The following CCDC138 variants were observed in gnomAD, a reference collection of about 807,000 sequenced individuals.
CCDC138 encodes coiled-coil domain containing 138.
CCDC138 carries 66 observed loss-of-function variants against 82.3 expected under a neutral mutation model. The observed-to-expected ratio is 0.80, with a 90% CI of 0.66 to 0.98. CCDC138 has a LOEUF of 0.98. Among genes scored for constraint, CCDC138 ranks in the 50% least tolerant of loss-of-function variants. The probability of loss-of-function intolerance (pLI) is 0.00; values close to 1 mark genes in which losing one functional copy is unlikely to be tolerated. For missense variants in CCDC138, 816 were observed against 758.9 expected (o/e 1.08, Z -0.88); for synonymous variants, 297 against 265.4 (o/e 1.12, Z -1.16).
At chr2:108,787,019 C>A (rs1028592088) in intron 1 of CCDC138, 104 bp downstream of exon 1, 1 of 666,352 alleles carries the variant, frequency 1.5e-6, no homozygotes, top group East Asian at 3.8e-5. Flanking sequence ...GCTCTGGTCC[C>A]GGCCCCGGCA....
rs1558723837 is a variant in CCDC138 at position 108,846,829 on chromosome 2, A to G, written c.1415A>G (p.His472Arg). 6.2e-7 allele frequency: 1 copy of G among 1,613,214 alleles called. No homozygotes were observed. Among genetic ancestry groups the G allele is most frequent in the South Asian group, 1.1e-5 (1 of 91,004 alleles). ...GGAATTCAGGATAATTCTCCACAGC[A>G]TTCTGTGGAGAATAAACCAAAGACA... is the stretch of plus-strand genomic sequence containing the variant. ...TKGIQDNSPQHSVENKPKTAA... is the reference protein window; with the variant it reads ...TKGIQDNSPQRSVENKPKTAA... Residue 472 changes from histidine to arginine, a missense_variant, in exon 12 of 15, where the codon CAT (histidine) becomes CGT (arginine). Transcript: ENST00000295124.
chr2:108,867,087 G>C (rs1346557915), intron 13 of CCDC138, among the ~76,000 whole-genome samples: 1 of 152,066 alleles, frequency 6.6e-6, no homozygotes, highest in African/African-American at 2.4e-5. Context: ...TCACTGGGTT[G>C]AGAACTGTTC....
At chr2:108,822,798 T>A (rs979229916) in intron 10 of CCDC138, among the ~76,000 whole-genome samples, 4 of 152,262 alleles carry the variant, frequency 2.6e-5, no homozygotes, top group Admixed American at 1.3e-4. Context: ...AAGAGGGAAG[T>A]TTGTAGCTGT....
In CCDC138 at chr2:108,856,874, C is replaced by G. The variant is rs1490342462; in HGVS notation, c.1597C>G (p.Gln533Glu). 1 of 1,612,950 alleles carries G rather than the reference C, an allele frequency of 6.2e-7. No homozygotes were observed. Among genetic ancestry groups the G allele is most frequent in the East Asian group, 2.2e-5 (1 of 44,788 alleles). ...EEGKTLFLEY[Q>E]AVPVILSHLR... ...AGGAAAAACCTTGTTTTTGGAGTAT[C>G]AGGCTGTTCCAGTAATATTAAGTCA... Residue 533 changes from glutamine to glutamate, a missense_variant, in exon 13 of 15, where the codon CAG becomes GAG. Coordinates refer to ENST00000295124, the MANE Select transcript of CCDC138 (RefSeq NM_144978.3).
chr2:108,823,428 C>T (rs1209822531), intron 10 of CCDC138, among the ~76,000 whole-genome samples: 1 of 152,226 alleles, frequency 6.6e-6, no homozygotes, highest in African/African-American at 2.4e-5. Flanking sequence ...TCATGTGTTG[C>T]TTAACAATAG....
At chr2:108,852,804 A>G (rs1357690053) in intron 12 of CCDC138, among the ~76,000 whole-genome samples, 1 of 152,188 alleles carries the variant, frequency 6.6e-6, no homozygotes, top group Non-Finnish European at 1.5e-5. Context: ...ACTAGTCTTA[A>G]TACCTGGGTG....
rs1158284880 is a variant in CCDC138, at chr2:108,837,010, G to A, written c.1207-2175G>A. Among the ~76,000 whole-genome samples the A allele has an allele frequency of 2.6e-5, 4 of 152,084 alleles. No individual in the cohort carries two copies. In the South Asian group the frequency reaches 8.3e-4, roughly 32 times the overall value. Reference sequence around the variant, plus strand: ...TAAGGTCATGCCATCTGAGAAGAGAGATGATTTTACTTCTCCAATTTGGAT... The same window carrying A: ...TAAGGTCATGCCATCTGAGAAGAGAAATGATTTTACTTCTCCAATTTGGAT... On this transcript the variant is annotated intron_variant, in intron 10 of 14. Coordinates refer to ENST00000295124, the MANE Select transcript of CCDC138 (RefSeq NM_144978.3).
chr2:108,873,526 C>G lies in CCDC138; in HGVS notation c.1769C>G (p.Pro590Arg). 1 of 1,612,414 alleles carries G rather than the reference C, an allele frequency of 6.2e-7. No individual in the cohort carries two copies. Among genetic ancestry groups the G allele is most frequent in the Non-Finnish European group, 8.5e-7 (1 of 1,179,192 alleles). Residue 590 changes from proline (P) to arginine (R), a missense_variant, in exon 14 of 15, where the codon CCT becomes CGT. Transcript: ENST00000295124. ...FRTCSVLLRA[P>R]KLDLQILEKL... is the part of the protein sequence containing the mutation. ...ACTTGCTCTGTGCTGCTTCGAGCCC[C>G]TAAGCTTGATCTTCAAATACTAGAA... is the stretch of plus-strand genomic sequence containing the variant.
intron 13 of CCDC138, among the ~76,000 whole-genome samples, chr2:108,859,234 A>C (rs1340757555): frequency 6.6e-6 from 1 of 152,112 alleles, no homozygotes; most frequent in Non-Finnish European, 1.5e-5. Flanking sequence ...TCCTTTGCCT[A>C]CTTTTTAACG....
chr2:108,826,997 A>G (rs1440039999), intron 10 of CCDC138, among the ~76,000 whole-genome samples: 1 of 151,932 alleles, frequency 6.6e-6, no homozygotes, highest in Non-Finnish European at 1.5e-5. Flanking sequence ...ATTCTTTTTG[A>G]TGATGTCAAA....
intron 7 of CCDC138, among the ~76,000 whole-genome samples, chr2:108,805,936 A>G (rs184484955): frequency 6.6e-6 from 1 of 152,252 alleles, no homozygotes; most frequent in East Asian, 1.9e-4. Context: ...AAATTGGAGT[A>G]AACCCCGTCA....
chr2:108,803,118 G>GT (rs1336296959), intron 6 of CCDC138, among the ~76,000 whole-genome samples: 5 of 152,186 alleles, frequency 3.3e-5, no homozygotes, highest in Non-Finnish European at 5.9e-5. Context: ...TGCTCTGGGT[G>GT]TTTTTTGTGC....
intron 10 of CCDC138, among the ~76,000 whole-genome samples, chr2:108,831,857 C>T (rs143847535): frequency 0.011 from 1,621 of 152,036 alleles, 28 homozygotes; most frequent in African/African-American, 0.037. Flanking sequence ...CTCAGCCTCC[C>T]GAGTAGCTGG....
chr2:108,813,807 A>G (rs1265289496), intron 9 of CCDC138, among the ~76,000 whole-genome samples: 3 of 152,164 alleles, frequency 2.0e-5, no homozygotes, highest in Non-Finnish European at 4.4e-5. Context: ...CTTTTCTGCC[A>G]GAAGTTTTGC....
chr2:108,820,298 C>A (rs563146415), intron 10 of CCDC138, among the ~76,000 whole-genome samples: 4 of 151,896 alleles, frequency 2.6e-5, no homozygotes, highest in African/African-American at 9.7e-5. Flanking sequence ...GAGAAAAAAA[C>A]GAAGAAAAGT....
chr2:108,871,573 C>T (rs1293303903), intron 13 of CCDC138, among the ~76,000 whole-genome samples: 9 of 151,736 alleles, frequency 5.9e-5, no homozygotes, highest in Non-Finnish European at 1.3e-4. Flanking sequence ...AAAGTTCCTT[C>T]TGTTAAAAAA....
chr2:108,856,720 C>A, intron 12 of CCDC138, 74 bp from the exon 13 acceptor site: 1 of 1,400,768 alleles, frequency 7.1e-7, no homozygotes, highest in East Asian at 2.4e-5. Context: ...AACGACATTG[C>A]TTTTTTACCT....
intron 2 of CCDC138, chr2:108,883,687 G>C (rs11123716): frequency 0.73 from 110,775 of 152,222 alleles, 43,095 homozygotes; most frequent in East Asian, 0.95. Context: ...CTTCTTGCTG[G>C]GCTTGGCCAG....
rs143575457 is a variant in CCDC138 at position 108,793,281 on chromosome 2, C to T, written c.395-1259C>T. On this transcript the variant is annotated intron_variant, in intron 4 of 14. Coordinates refer to ENST00000295124, the MANE Select transcript of CCDC138 (RefSeq NM_144978.3). ...TCGGGAGGCGGAGCTTACAGTGAGC[C>T]GAGGTCGCGCCACTGCACTCCAGCC... is the stretch of plus-strand genomic sequence containing the variant. 1.8e-3 allele frequency among the ~76,000 whole-genome samples: 272 copies of T among 148,992 alleles called. 2 individuals carry two copies. The highest frequency in any genetic ancestry group is 6.5e-3 in the African/African-American group (263 of 40,552).
Sources: gnomAD v4.1 joint callset for allele counts (sites outside exome capture counted in the v4.1 genomes callset) on GRCh38, gnomAD v4.1.1 for gene constraint, MANE v1.5 for transcripts, NCBI Gene and HGNC (gene_info 2026-07-23, HGNC 2026-07-21) for gene names.